Variants in FAT1 observed in about 807,000 individuals in gnomAD.
The protein encoded by FAT1 is FAT atypical cadherin 1.
In FAT1, 171 loss-of-function variants were observed where a neutral mutation model predicts 329.8. The observed-to-expected ratio is 0.52, with a 90% CI of 0.46 to 0.59. The LOEUF (loss-of-function observed/expected upper bound fraction) is 0.59. Ranked by LOEUF, FAT1 falls within the 20% of genes least tolerant of loss-of-function variation. FAT1 has a pLI of 0.00. For synonymous variants in FAT1, 2,233 were observed against 2,228.6 expected (o/e 1.00, Z -0.06); for missense variants, 5,672 against 5,774.4 (o/e 0.98, Z 0.57).
At chr4:186,680,811 A>C (rs538072771) in intron 2 of FAT1, among the ~76,000 whole-genome samples, 25 of 152,302 alleles carry the variant, frequency 1.6e-4, no homozygotes, top group Admixed American at 1.6e-3. Flanking sequence ...ATCTCAGTCT[A>C]CGTTCGAGAG....
intron 2 of FAT1, among the ~76,000 whole-genome samples, chr4:186,664,069 C>T (rs1287676484): frequency 6.6e-6 from 1 of 152,064 alleles, no homozygotes; most frequent in Non-Finnish European, 1.5e-5. Context: ...GAGCCATGGC[C>T]CAGATCTGAG....
intron 3 of FAT1, among the ~76,000 whole-genome samples, chr4:186,645,418 T>C (rs1395857318): frequency 2.9e-5 from 2 of 70,016 alleles, no homozygotes; most frequent in Non-Finnish European, 5.5e-5. Flanking sequence ...TATATATATA[T>C]ATATGCCTGT....
intron 3 of FAT1, among the ~76,000 whole-genome samples, chr4:186,640,860 G>C (rs1017445118): frequency 6.6e-6 from 1 of 152,186 alleles, no homozygotes; most frequent in African/African-American, 2.4e-5. Flanking sequence ...TGTTGATGGT[G>C]AACAGGTGCA....
intron 3 of FAT1, among the ~76,000 whole-genome samples, chr4:186,656,556 A>G (rs185537452): frequency 6.6e-6 from 1 of 152,292 alleles, no homozygotes; most frequent in African/African-American, 2.4e-5. Flanking sequence ...ATACACATAC[A>G]TCACAAACAC....
Position 186,709,660 on chromosome 4 carries a change from A to T in FAT1, c.168T>A (p.Pro56=), listed in dbSNP as rs2126705821. Residue 56 remains proline, a synonymous_variant, in exon 2 of 27, where the codon CCT becomes CCA. Coordinates refer to ENST00000441802, the MANE Select transcript of FAT1 (RefSeq NM_005245.4). ...GTGTAATGTAAACACCCATCTTGAC[A>T]GGATGCCCCACATAAGTCTTAGCTG... ...NSAAKTYVGH[P]VKMGVYITHP... 6.2e-7 allele frequency: 1 copy of T among 1,613,996 alleles called. No homozygotes were observed. Among genetic ancestry groups the T allele is most frequent in the Non-Finnish European group, 8.5e-7 (1 of 1,179,882 alleles).
At chr4:186,669,399 G>A (rs1020790048) in intron 2 of FAT1, among the ~76,000 whole-genome samples, 8 of 152,216 alleles carry the variant, frequency 5.3e-5, no homozygotes, top group African/African-American at 1.9e-4. Context: ...TTGGAGCACA[G>A]GAGACAGGTT....
In FAT1 at chr4:186,628,708, T is replaced by C. The variant is rs1740445499; in HGVS notation, c.4379A>G (p.Lys1460Arg). ...NDHRPQFSTSKYEVVIPEDTA... is the reference protein window; with the variant it reads ...NDHRPQFSTSRYEVVIPEDTA... ...ATCTTCAGGAATAACAACTTCATAC[T>C]TTGATGTAGAAAACTGAGGACGATG... The change falls in exon 8 of 27, where the codon AAG becomes AGG. Residue 1460 changes from lysine to arginine, a missense_variant. By Grantham distance (26) the Lys-to-Arg change is conservative (BLOSUM62 2). This residue lies in a region of FAT1 where 3,966 missense variants were observed against 3,915.2 expected (regional missense o/e 1.01). Coordinates refer to ENST00000441802, the MANE Select transcript of FAT1 (RefSeq NM_005245.4). The C allele has an allele frequency of 6.2e-7, 1 of 1,613,856 alleles. No individual in the cohort carries two copies. The highest frequency in any genetic ancestry group is 2.2e-5 in the East Asian group (1 of 44,898).
chr4:186,620,603 C>T lies in FAT1; in HGVS notation c.5983G>A (p.Ala1995Thr), dbSNP rs2126517249. 6.2e-7 allele frequency: 1 copy of T among 1,613,944 alleles called. No homozygotes were observed. Reference sequence around the variant, plus strand: ...GCAGTAATGACAGCTAATGTTTCGGCCTCGGTGGAATTCTCTTTCACTACC... The same window carrying T: ...GCAGTAATGACAGCTAATGTTTCGGTCTCGGTGGAATTCTCTTTCACTACC... ...SAVVKENSTE[A>T]ETLAVITAIG... Residue 1995 changes from alanine to threonine, a missense_variant, in exon 10 of 27, where the codon GCC becomes ACC. Ala to Thr is a moderately conservative substitution (Grantham distance 58). Transcript: ENST00000441802.
intron 2 of FAT1, among the ~76,000 whole-genome samples, chr4:186,703,553 G>A (rs1294373686): frequency 6.6e-6 from 1 of 152,212 alleles, no homozygotes; most frequent in African/African-American, 2.4e-5. Context: ...TCAAAGACAA[G>A]AAGCAAACAG....
chr4:186,660,129 T>C (rs1742100548), intron 3 of FAT1, among the ~76,000 whole-genome samples: 1 of 152,140 alleles, frequency 6.6e-6, no homozygotes, highest in South Asian at 2.1e-4. Context: ...AGTAACACGA[T>C]TTAGGGTCTC....
chr4:186,706,987 CATG>C lies in FAT1; in HGVS notation c.2838_2840del (p.Ile946del). The C allele has an allele frequency of 1.2e-6, 2 of 1,614,018 alleles. No homozygotes were observed. Among genetic ancestry groups the C allele is most frequent in the Non-Finnish European group, 8.5e-7 (1 of 1,179,894 alleles). ...AATCAGGATCGTGGGCTTCTAACCA[CATG>C]ATGACGGTTCCTTCTGGAAGATCCT... On this transcript the variant is annotated inframe_deletion, in exon 2 of 27. Transcript: ENST00000441802.
Position 186,663,393 on chromosome 4 carries a change from C to T in FAT1, c.3486G>A (p.Glu1162=), listed in dbSNP as rs2126617145. ...SPKDVSVVQI[E]AFDPDSSSND... ...TAGAGCTCGAATCTGGATCAAATGC[C>T]TCGATCTGGACCACAGATACATCTT... Residue 1162 remains glutamate, a synonymous_variant, in exon 3 of 27, where the codon GAG becomes GAA. Coordinates refer to ENST00000441802, the MANE Select transcript of FAT1 (RefSeq NM_005245.4). 1 of 1,613,976 alleles carries T rather than the reference C, an allele frequency of 6.2e-7. No individual in the cohort carries two copies. The highest frequency in any genetic ancestry group is 1.1e-5 in the South Asian group (1 of 91,084).
intron 21 of FAT1, 144 bp downstream of exon 21, chr4:186,601,125 G>T: frequency 1.3e-6 from 1 of 742,934 alleles, no homozygotes; most frequent in Non-Finnish European, 2.0e-6. Context: ...TCTAAAACTT[G>T]TACAGGCATC....
chr4:186,659,567 TC>T, intron 3 of FAT1, among the ~76,000 whole-genome samples: 1 of 152,052 alleles, frequency 6.6e-6, no homozygotes, highest in Non-Finnish European at 1.5e-5. Context: ...GTGGCACCTG[TC>T]CCCTGAACGA....
At chr4:186,651,025 A>AATTAATTTATTTACTATT (rs1346358826) in intron 3 of FAT1, among the ~76,000 whole-genome samples, 2 of 45,572 alleles carry the variant, frequency 4.4e-5, no homozygotes, top group East Asian at 6.3e-3. Context: ...AGTATTAAAT[A>AATTAATTTATTTACTATT]ATTAAATAAT....
chr4:186,654,867 T>C (rs467193), intron 3 of FAT1, among the ~76,000 whole-genome samples: 103,670 of 151,360 alleles, frequency 0.68, 36,475 homozygotes, highest in African/African-American at 0.87. Context: ...CAAGATGGCA[T>C]CTCTGCACTC....
intron 2 of FAT1, among the ~76,000 whole-genome samples, chr4:186,673,120 A>G (rs1174608730): frequency 6.6e-6 from 1 of 152,234 alleles, no homozygotes; most frequent in Non-Finnish European, 1.5e-5. Context: ...CTGTTCAGAA[A>G]AATTTTTTAA....
intron 3 of FAT1, among the ~76,000 whole-genome samples, chr4:186,661,386 G>A (rs571668230): frequency 6.6e-6 from 1 of 152,336 alleles, no homozygotes; most frequent in East Asian, 1.9e-4. Context: ...ACAATCTCAA[G>A]AGACAGGCCT....
intron 2 of FAT1, among the ~76,000 whole-genome samples, chr4:186,699,192 A>T (rs1030504712): frequency 6.6e-6 from 1 of 152,212 alleles, no homozygotes; most frequent in Non-Finnish European, 1.5e-5. Flanking sequence ...CTTACCTGTG[A>T]TAAGAATATG....
Sources: gnomAD v4.1 joint callset for allele counts (sites outside exome capture counted in the v4.1 genomes callset) on GRCh38, gnomAD v4.1.1 for gene constraint, gnomAD v4.1.1 regional missense constraint, MANE v1.5 for transcripts, NCBI Gene and HGNC (gene_info 2026-07-23, HGNC 2026-07-21) for gene names.